MAPRE3: variants seen among roughly 807,000 people sequenced by gnomAD.
The protein encoded by MAPRE3 is microtubule-associated protein RP/EB family member 3.
MAPRE3 carries 2 observed loss-of-function variants against 30.5 expected under a neutral mutation model. The observed-to-expected ratio is 0.07, with a 90% CI of 0.03 to 0.21. The LOEUF is 0.21. Among genes scored for constraint, MAPRE3 ranks in the 10% least tolerant of loss-of-function variants. The pLI is 1.00. For synonymous variants in MAPRE3, 110 were observed against 127.7 expected (o/e 0.86, Z 0.93); for missense variants, 204 against 351.8 (o/e 0.58, Z 3.36).
At chr2:26,979,943 G>T (rs940817713) in intron 1 of MAPRE3, among the ~76,000 whole-genome samples, 2 of 152,184 alleles carry the variant, frequency 1.3e-5, no homozygotes, top group Non-Finnish European at 2.9e-5. Context: ...GGAAGCTGAG[G>T]GTCAGGTTGT....
At chr2:26,973,119 A>G (rs1236898270) in intron 1 of MAPRE3, among the ~76,000 whole-genome samples, 5 of 152,238 alleles carry the variant, frequency 3.3e-5, no homozygotes, top group Admixed American at 6.5e-5. Context: ...TACCAGATCA[A>G]AATATATATG....
Position 26,986,992 on chromosome 2 carries a change from C to T in MAPRE3, c.-8+16190C>T, listed in dbSNP as rs1480294813. On this transcript the variant is annotated intron_variant, in intron 1 of 6. Transcript: ENST00000233121. This position sits in a 1 kb window ranked among gnomAD's most constrained non-coding sequence, Gnocchi z 4.2. The stretch of plus-strand genomic sequence containing the variant: ...GGTAAGAACTCAGGAGGGAGTGCCC[C>T]GGTAATAGCTACCCTTGAAGTCAGA... 6.6e-6 allele frequency among the ~76,000 whole-genome samples: 1 copy of T among 151,964 alleles called. No homozygotes were observed. Among genetic ancestry groups the T allele is most frequent in the Non-Finnish European group, 1.5e-5 (1 of 67,992 alleles).
intron 1 of MAPRE3, among the ~76,000 whole-genome samples, chr2:26,988,663 A>G (rs1666266417): frequency 6.6e-6 from 1 of 152,180 alleles, no homozygotes; most frequent in Admixed American, 6.5e-5. Flanking sequence ...TGTTCTCTAG[A>G]GCGGGGTTCT....
chr2:26,994,126 G>A (rs1316539070), intron 1 of MAPRE3, among the ~76,000 whole-genome samples: 10 of 152,178 alleles, frequency 6.6e-5, no homozygotes, highest in Non-Finnish European at 1.5e-5. Context: ...ATGTTCTGAG[G>A]AAACTGACAC....
chr2:27,006,179 C>T (rs1212597698), intron 1 of MAPRE3, among the ~76,000 whole-genome samples: 1 of 151,658 alleles, frequency 6.6e-6, no homozygotes, highest in African/African-American at 2.4e-5. Flanking sequence ...GAGACCCCGT[C>T]TCAAAAATAA....
intron 6 of MAPRE3, 96 bp from the exon 7 acceptor site, chr2:27,026,184 G>A: frequency 7.2e-7 from 1 of 1,386,800 alleles, no homozygotes; most frequent in South Asian, 1.3e-5. Context: ...AGGGCTCCTG[G>A]ACTCCTGACC....
intron 2 of MAPRE3, 147 bp downstream of exon 2, chr2:27,022,486 T>C (rs1667128560): frequency 9.4e-7 from 1 of 1,069,226 alleles, no homozygotes; most frequent in South Asian, 1.5e-5. Context: ...GGCGATGTTG[T>C]TGTTGTGTGA....
chr2:26,984,212 A>C (rs1409820795), intron 1 of MAPRE3, among the ~76,000 whole-genome samples: 1 of 152,234 alleles, frequency 6.6e-6, no homozygotes, highest in Non-Finnish European at 1.5e-5. Context: ...GTATAGTCAT[A>C]ATCAAAAACC....
At chr2:26,996,785 C>T (rs115194861) in intron 1 of MAPRE3, 6,638 of 151,908 alleles carry the variant, frequency 0.044, 196 homozygotes, top group Non-Finnish European at 0.064. Context: ...CCAACCTGGG[C>T]GACAGAGCGA....
intron 1 of MAPRE3, among the ~76,000 whole-genome samples, chr2:27,005,051 G>A (rs1025846835): frequency 1.3e-5 from 2 of 152,060 alleles, no homozygotes; most frequent in African/African-American, 4.8e-5. Context: ...TAACAATGTT[G>A]GTGTTGAAAT....
At chr2:26,998,554 TC>T (rs530915311) in intron 1 of MAPRE3, among the ~76,000 whole-genome samples, 3 of 152,226 alleles carry the variant, frequency 2.0e-5, no homozygotes, top group Non-Finnish European at 4.4e-5. Context: ...GAGCCTCAGT[TC>T]AGTTCTGCTA....
intron 1 of MAPRE3, among the ~76,000 whole-genome samples, chr2:26,979,324 G>A (rs529818104): frequency 1.3e-5 from 2 of 152,308 alleles, no homozygotes; most frequent in East Asian, 3.9e-4. Flanking sequence ...AATGGCTCAC[G>A]CCTGTCATAC....
intron 1 of MAPRE3, among the ~76,000 whole-genome samples, chr2:27,010,319 C>G (rs931281791): frequency 6.6e-6 from 1 of 152,018 alleles, no homozygotes; most frequent in Non-Finnish European, 1.5e-5. Flanking sequence ...GATCGTGAGT[C>G]GCACTCATGG....
At chr2:26,987,670 T>C (rs933168160) in intron 1 of MAPRE3, among the ~76,000 whole-genome samples, 4 of 151,968 alleles carry the variant, frequency 2.6e-5, no homozygotes, top group Admixed American at 1.3e-4. Context: ...AGAAAAAGTT[T>C]CTAGGGGTTG....
intron 1 of MAPRE3, among the ~76,000 whole-genome samples, chr2:27,021,316 G>C (rs963709579): frequency 6.6e-6 from 1 of 152,178 alleles, no homozygotes; most frequent in African/African-American, 2.4e-5. Flanking sequence ...CAGGACTTGA[G>C]GAATGACTTG....
chr2:26,971,264 G>A (rs973142672), intron 1 of MAPRE3, among the ~76,000 whole-genome samples: 93 of 152,340 alleles, frequency 6.1e-4, no homozygotes, highest in Middle Eastern at 3.4e-3. Flanking sequence ...TGGGGGAGGG[G>A]GAACATCGGG....
Position 26,985,289 on chromosome 2 carries a change from A to G in MAPRE3, c.-8+14487A>G, listed in dbSNP as rs144589271. 8.4e-3 allele frequency among the ~76,000 whole-genome samples: 1,274 copies of G among 152,340 alleles called. 18 individuals carry two copies. The highest frequency in any genetic ancestry group is 0.03 in the African/African-American group (1,238 of 41,590). ...AGTCAGGCAGAATCCTACCTGGGCCATCTTCCCAGCTCCTGAGATAATTCA... is the reference window on the plus strand; with the variant it reads ...AGTCAGGCAGAATCCTACCTGGGCCGTCTTCCCAGCTCCTGAGATAATTCA... On this transcript the variant is annotated intron_variant, in intron 1 of 6. Transcript: ENST00000233121. This position sits in a 1 kb window ranked among gnomAD's most constrained non-coding sequence, Gnocchi z 4.2.
At chr2:26,979,355 G>T (rs564016657) in intron 1 of MAPRE3, among the ~76,000 whole-genome samples, 8 of 152,320 alleles carry the variant, frequency 5.3e-5, no homozygotes, top group Admixed American at 1.3e-4. Context: ...GGAGGCCAAG[G>T]GGGGAGGATC....
chr2:26,971,581 GTGT>G (rs754907173), intron 1 of MAPRE3, among the ~76,000 whole-genome samples: 2 of 152,028 alleles, frequency 1.3e-5, no homozygotes, highest in African/African-American at 4.8e-5. Context: ...TTCCGGTGTG[GTGT>G]TGTGAATAAG....
Sources: gnomAD v4.1 joint callset for allele counts (sites outside exome capture counted in the v4.1 genomes callset) on GRCh38, gnomAD v4.1.1 for gene constraint, Gnocchi (gnomAD v3.1) non-coding constraint, MANE v1.5 for transcripts, NCBI Gene and HGNC (gene_info 2026-07-23, HGNC 2026-07-21) for gene names.